The following ADGRV1 variants were observed in gnomAD, a reference collection of about 807,000 sequenced individuals.
ADGRV1 encodes adhesion G protein-coupled receptor V1.
Under a neutral mutation model 596.2 loss-of-function variants are expected in ADGRV1, and 359 were observed. The observed-to-expected ratio is 0.60, with a 90% confidence interval of 0.55 to 0.66. ADGRV1 has a LOEUF of 0.66. Among genes scored for constraint, ADGRV1 ranks in the 30% least tolerant of loss-of-function variants. The pLI, the probability that ADGRV1 is intolerant of heterozygous loss-of-function variation, is 0.00. For synonymous variants in ADGRV1, 2,681 were observed against 2,679.2 expected (o/e 1.00, Z -0.02); for missense variants, 7,274 against 7,575.6 (o/e 0.96, Z 1.48).
In ADGRV1 at chr5:90,627,309, G is replaced by T. The variant is rs1764895257; in HGVS notation, c.771G>T (p.Lys257Asn). The T allele has an allele frequency of 4.3e-6, 7 of 1,612,168 alleles. No homozygotes were observed. Among genetic ancestry groups the T allele is most frequent in the Admixed American group, 1.7e-5 (1 of 59,992 alleles). Residue 257 changes from lysine to asparagine, a missense_variant, in exon 7 of 90, where the codon AAG becomes AAT. Lys to Asn is a moderately conservative substitution (Grantham distance 94). Transcript: ENST00000405460. ...TSRNSIEIII[K>N]KNDSPVRFLQ... ...GGAATTCCATTGAGATCATCATTAA[G>T]AAAAATGATAGTCCCGTGAGATTCC...
chr5:90,731,245 G>A (rs1048485491), intron 50 of ADGRV1, among the ~76,000 whole-genome samples: 4 of 152,122 alleles, frequency 2.6e-5, no homozygotes, highest in African/African-American at 7.2e-5. Flanking sequence ...TTTACATGGT[G>A]GAGGGAAAAA....
chr5:90,995,642 C>T (rs996198802), intron 85 of ADGRV1, among the ~76,000 whole-genome samples: 2 of 152,062 alleles, frequency 1.3e-5, no homozygotes, highest in African/African-American at 4.8e-5. Context: ...GGGTAACAGG[C>T]AGAGATTGGA....
intron 77 of ADGRV1, among the ~76,000 whole-genome samples, chr5:90,834,262 T>C (rs1345843011): frequency 6.6e-6 from 1 of 152,186 alleles, no homozygotes; most frequent in Non-Finnish European, 1.5e-5. Flanking sequence ...GATGATTTCT[T>C]ATTGCTTATT....
At chr5:91,097,192 A>C (rs1321019260) in intron 86 of ADGRV1, among the ~76,000 whole-genome samples, 1 of 152,180 alleles carries the variant, frequency 6.6e-6, no homozygotes, top group African/African-American at 2.4e-5. Flanking sequence ...AGTGTCTGGC[A>C]AGGGCCCAGA....
At chr5:90,905,300 CA>C (rs1772211130) in intron 83 of ADGRV1, among the ~76,000 whole-genome samples, 1 of 152,038 alleles carries the variant, frequency 6.6e-6, no homozygotes, top group South Asian at 2.1e-4. Flanking sequence ...GTAGGAATTG[CA>C]TTCAGTTTTT....
chr5:90,592,864 T>C (rs199882194), intron 1 of ADGRV1, among the ~76,000 whole-genome samples: 1 of 152,108 alleles, frequency 6.6e-6, no homozygotes, highest in Admixed American at 6.5e-5. Context: ...TCATCACTGG[T>C]CATCAGAGAA....
At chr5:90,853,945 G>A in intron 80 of ADGRV1, 117 bp from the exon 81 acceptor site, 3 of 754,634 alleles carry the variant, frequency 4.0e-6, no homozygotes, top group Non-Finnish European at 2.2e-6. Flanking sequence ...AATACTAACA[G>A]TGAAAGAAAA....
At chr5:90,863,380 C>A (rs1172112285) in intron 82 of ADGRV1, among the ~76,000 whole-genome samples, 4 of 152,314 alleles carry the variant, frequency 2.6e-5, no homozygotes, top group African/African-American at 2.4e-5. Flanking sequence ...AGCACACTTT[C>A]TTCCTGGTTT....
chr5:90,728,980 T>C (rs1326981941), intron 49 of ADGRV1, 47 bp downstream of exon 49: 3 of 1,293,998 alleles, frequency 2.3e-6, no homozygotes, highest in Non-Finnish European at 2.1e-6. Context: ...ATTGAAATCA[T>C]CTAGCATTCA....
At position 90,683,595 on chromosome 5, in the gene ADGRV1, C is replaced by T. The variant is rs1487676914; in HGVS notation, c.5674C>T (p.His1892Tyr). 1.3e-6 allele frequency: 2 copies of T among 1,596,774 alleles called. No homozygotes were observed. The highest frequency in any genetic ancestry group is 1.7e-4 in the Middle Eastern group (1 of 6,018). Residue 1892 changes from histidine to tyrosine, a missense_variant, in exon 28 of 90, where the codon CAT (histidine) becomes TAT (tyrosine). This residue lies in a region of ADGRV1 where 3,643 missense variants were observed against 3,809.2 expected (regional missense o/e 0.96). Transcript: ENST00000405460. ...ATTAAGTATTTTGTAGGTTATAAGA[C>T]ATCATGGAACTCTGTCTCCAGTGAC... ...YSTVTLNVIR[H>Y]HGTLSPVTLH... is the part of the protein sequence containing the mutation.
chr5:90,576,762 C>A (rs985652932), intron 1 of ADGRV1, among the ~76,000 whole-genome samples: 6 of 152,212 alleles, frequency 3.9e-5, no homozygotes, highest in Non-Finnish European at 8.8e-5. Flanking sequence ...TATTTCTTCA[C>A]ATCCTCTCCA....
At chr5:91,072,424 A>T in intron 85 of ADGRV1, 23 bp from the exon 86 acceptor site, 2 of 1,571,444 alleles carry the variant, frequency 1.3e-6, no homozygotes, top group Non-Finnish European at 1.8e-6. Context: ...TGTCTGAGTT[A>T]CTTCTTCTCA....
intron 84 of ADGRV1, among the ~76,000 whole-genome samples, chr5:90,974,355 A>C (rs1224252969): frequency 6.6e-6 from 1 of 152,206 alleles, no homozygotes; most frequent in African/African-American, 2.4e-5. Flanking sequence ...ACTACTTTAA[A>C]GTTCATATGG....
At position 91,013,336 on chromosome 5, in the gene ADGRV1, A is replaced by C. The variant is rs1346952393; in HGVS notation, c.18152+27814A>C. On this transcript the variant is annotated intron_variant, in intron 85 of 89. Transcript: ENST00000405460. ...TAATTTACATTAGCACCAACAGTGT[A>C]TAATTGTCCCCTTTTCTTGGCAACC... 3.9e-5 allele frequency among the ~76,000 whole-genome samples: 6 copies of C among 152,244 alleles called. No homozygotes were observed. The East Asian group carries it at 7.7e-4, about 20-fold the overall frequency.
At chr5:90,949,877 C>T (rs1261044078) in intron 83 of ADGRV1, among the ~76,000 whole-genome samples, 1 of 152,162 alleles carries the variant, frequency 6.6e-6, no homozygotes, top group Non-Finnish European at 1.5e-5. Context: ...GGAAGTGACT[C>T]AGTACAGTAC....
intron 64 of ADGRV1, chr5:90,779,942 C>T (rs562069002): frequency 3.7e-4 from 57 of 152,244 alleles, no homozygotes; most frequent in Admixed American, 1.4e-3. Context: ...TGTATATCAT[C>T]CCATCTGGGA....
In ADGRV1 at chr5:90,840,782, GC is replaced by G. The variant is rs770120334; in HGVS notation, c.16818del (p.Arg5607GlufsTer33). ...TGTCCTTTTTGACCCAAAAGGTGGT[GC>G]CAGAATTGATAAAGTGTATGGGACT... The part of the protein sequence containing the change: ...QIVLFDPKGG[A>X]RIDKVYGTAN... On this transcript the variant is annotated frameshift_variant, in exon 78 of 90. Transcript: ENST00000405460. LOFTEE classifies it high-confidence loss of function. 6.2e-7 allele frequency: 1 copy of G among 1,613,976 alleles called. No individual in the cohort carries two copies. The highest frequency in any genetic ancestry group is 8.5e-7 in the Non-Finnish European group (1 of 1,179,874).
chr5:91,031,215 C>T, intron 85 of ADGRV1: 2 of 1,580,374 alleles, frequency 1.3e-6, no homozygotes, highest in Non-Finnish European at 1.7e-6. Context: ...AGGAGTGTGT[C>T]CATGTGGTTC....
Position 90,672,613 on chromosome 5 carries a change from A to C in ADGRV1, c.4820A>C (p.His1607Pro). 8 of 1,613,828 alleles carry C rather than the reference A, an allele frequency of 5.0e-6. No homozygotes were observed. The highest frequency in any genetic ancestry group is 6.8e-6 in the Non-Finnish European group (8 of 1,179,758). Residue 1607 changes from histidine to proline, a missense_variant, in exon 22 of 90, where the codon CAT becomes CCT. Coordinates refer to ENST00000405460, the MANE Select transcript of ADGRV1 (RefSeq NM_032119.4). ...ACCAGAGGAGCTCTGGATTATGTGCATGTTTTTTACACCATTTCACAGATT... is the reference window on the plus strand; with the variant it reads ...ACCAGAGGAGCTCTGGATTATGTGCCTGTTTTTTACACCATTTCACAGATT... ...ERTRGALDYV[H>P]VFYTISQIET...
Sources: gnomAD v4.1 joint callset for allele counts (sites outside exome capture counted in the v4.1 genomes callset) on GRCh38, gnomAD v4.1.1 for gene constraint, gnomAD v4.1.1 regional missense constraint, MANE v1.5 for transcripts, NCBI Gene and HGNC (gene_info 2026-07-23, HGNC 2026-07-21) for gene names.